Variants in UNC5B observed in about 807,000 individuals in gnomAD.
The protein encoded by UNC5B is unc-5 netrin receptor B.
Under a neutral mutation model 103.7 loss-of-function variants are expected in UNC5B, and 56 were observed. That is an observed-to-expected ratio of 0.54 (90% CI 0.44 to 0.67). The LOEUF (loss-of-function observed/expected upper bound fraction) is 0.67. UNC5B is among the 30% of genes least tolerant of loss of function. UNC5B has a pLI of 0.00. For missense variants in UNC5B, 1,194 were observed against 1,284.5 expected (o/e 0.93, Z 1.08); for synonymous variants, 577 against 542.0 (o/e 1.06, Z -0.90).
In UNC5B at chr10:71,279,860, C is replaced by A; in HGVS notation, c.119C>A (p.Pro40Gln). The A allele has an allele frequency of 6.2e-7, 1 of 1,613,876 alleles. No homozygotes were observed. Among genetic ancestry groups the A allele is most frequent in the Non-Finnish European group, 8.5e-7 (1 of 1,179,910 alleles). ...SGSEVLPDSFPSAPAEPLPYF... is the reference protein window; with the variant it reads ...SGSEVLPDSFQSAPAEPLPYF... ...AGCGAGGTGCTCCCTGACTCCTTCC[C>A]GTCAGCGCCAGCAGAGCCGCTGCCC... The change falls in exon 2 of 17, where the codon CCG (proline) becomes CAG (glutamine). Residue 40 changes from proline (P) to glutamine (Q), a missense_variant. Coordinates refer to ENST00000335350, the MANE Select transcript of UNC5B (RefSeq NM_170744.5).
chr10:71,225,745 T>C (rs781026951), intron 1 of UNC5B, among the ~76,000 whole-genome samples: 25 of 152,182 alleles, frequency 1.6e-4, no homozygotes, highest in Non-Finnish European at 1.9e-4. Context: ...CTCTCTGAGT[T>C]GCTCCCACAC....
intron 1 of UNC5B, among the ~76,000 whole-genome samples, chr10:71,269,811 TGG>T (rs1844603258): frequency 6.6e-6 from 1 of 151,426 alleles, no homozygotes; most frequent in African/African-American, 2.4e-5. Context: ...AAAAAGGCAT[TGG>T]GGAGATAGCA....
intron 1 of UNC5B, among the ~76,000 whole-genome samples, chr10:71,270,949 G>A (rs967474025): frequency 2.0e-5 from 3 of 152,222 alleles, no homozygotes; most frequent in Non-Finnish European, 2.9e-5. Flanking sequence ...CCTGGGTGGG[G>A]CTCTCAGGGT....
intron 16 of UNC5B, among the ~76,000 whole-genome samples, chr10:71,298,402 C>T (rs1252909677): frequency 6.6e-6 from 1 of 152,146 alleles, no homozygotes; most frequent in African/African-American, 2.4e-5. Context: ...AAAGCCAGGG[C>T]ATCAGCTTGG....
intron 1 of UNC5B, among the ~76,000 whole-genome samples, chr10:71,266,336 C>T (rs1156538279): frequency 6.6e-6 from 1 of 152,076 alleles, no homozygotes; most frequent in African/African-American, 2.4e-5. Context: ...CTTCACCCTC[C>T]CCGCTTCCTG....
chr10:71,258,818 C>T (rs1844350560), intron 1 of UNC5B, among the ~76,000 whole-genome samples: 1 of 152,258 alleles, frequency 6.6e-6, no homozygotes, highest in South Asian at 2.1e-4. Context: ...ATTCCCAACC[C>T]AGCAGAGGAG....
At chr10:71,239,273 A>T (rs941934824) in intron 1 of UNC5B, among the ~76,000 whole-genome samples, 4 of 152,126 alleles carry the variant, frequency 2.6e-5, no homozygotes, top group African/African-American at 9.7e-5. Flanking sequence ...CGGCCTTGGG[A>T]AGGGGAAACA....
intron 1 of UNC5B, among the ~76,000 whole-genome samples, chr10:71,248,457 CTT>C (rs1169476325): frequency 6.6e-6 from 1 of 152,216 alleles, no homozygotes; most frequent in Admixed American, 6.5e-5. Context: ...GCACTTTTCT[CTT>C]TGAGTGTTAA....
chr10:71,214,039 A>T (rs1272875492), intron 1 of UNC5B, among the ~76,000 whole-genome samples: 3 of 151,886 alleles, frequency 2.0e-5, no homozygotes. Context: ...GACTGAATGG[A>T]GCCAGCCTCT....
chr10:71,234,157 T>TG (rs1328770224), intron 1 of UNC5B, among the ~76,000 whole-genome samples: 4 of 151,584 alleles, frequency 2.6e-5, no homozygotes, highest in Admixed American at 2.6e-4. Flanking sequence ...ACCTCGGGGG[T>TG]GGGGGGCGGA....
chr10:71,247,546 C>T (rs1020055012), intron 1 of UNC5B, among the ~76,000 whole-genome samples: 6 of 152,238 alleles, frequency 3.9e-5, no homozygotes, highest in African/African-American at 1.4e-4. Flanking sequence ...GGAGGCCTCA[C>T]CTTCTGAGCT....
At chr10:71,229,101 A>T (rs1420006363) in intron 1 of UNC5B, among the ~76,000 whole-genome samples, 1 of 152,214 alleles carries the variant, frequency 6.6e-6, no homozygotes, top group African/African-American at 2.4e-5. Context: ...GCTTTATAAA[A>T]TGCAGACTCC....
chr10:71,215,706 A>G (rs1422628323), intron 1 of UNC5B, among the ~76,000 whole-genome samples: 11 of 152,134 alleles, frequency 7.2e-5, no homozygotes. Context: ...GAGCCTTTCC[A>G]TGGCCTCTGG....
chr10:71,298,224 ATC>A, intron 16 of UNC5B, 134 bp downstream of exon 16: 3 of 1,017,650 alleles, frequency 2.9e-6, no homozygotes, highest in South Asian at 1.7e-5. Context: ...TTTGTGGCAA[ATC>A]AGCAACTCAG....
intron 1 of UNC5B, 53 bp from the exon 2 acceptor site, chr10:71,279,768 C>T: frequency 6.4e-7 from 1 of 1,563,710 alleles, no homozygotes; most frequent in Non-Finnish European, 8.7e-7. Context: ...GCGAGGGGTG[C>T]CACAGGGCCC....
At chr10:71,271,949 G>A (rs112306804) in intron 1 of UNC5B, among the ~76,000 whole-genome samples, 1,915 of 152,256 alleles carry the variant, frequency 0.013, 51 homozygotes, top group African/African-American at 0.043. Context: ...TTTGTCATCG[G>A]TAACGGCCAT....
chr10:71,253,249 C>G, intron 1 of UNC5B, among the ~76,000 whole-genome samples: 1 of 152,174 alleles, frequency 6.6e-6, no homozygotes, highest in East Asian at 1.9e-4. Context: ...CACAGCCCTG[C>G]CATTAAAGGG....
At chr10:71,298,392 A>G (rs1845499559) in intron 16 of UNC5B, among the ~76,000 whole-genome samples, 1 of 152,158 alleles carries the variant, frequency 6.6e-6, no homozygotes, top group African/African-American at 2.4e-5. Context: ...CAGGAGACTC[A>G]AAGCCAGGGC....
chr10:71,260,097 A>T (rs1259027720), intron 1 of UNC5B, among the ~76,000 whole-genome samples: 1 of 152,188 alleles, frequency 6.6e-6, no homozygotes, highest in Non-Finnish European at 1.5e-5. Context: ...AGAGGCACTG[A>T]TGCCCTCTCC....
Sources: gnomAD v4.1 joint callset for allele counts (sites outside exome capture counted in the v4.1 genomes callset) on GRCh38, gnomAD v4.1.1 for gene constraint, MANE v1.5 for transcripts, NCBI Gene and HGNC (gene_info 2026-07-23, HGNC 2026-07-21) for gene names.